Variants in FSTL4 observed in about 807,000 individuals in gnomAD.
The protein encoded by FSTL4 is follistatin-related protein 4.
A neutral mutation model predicts 78.2 loss-of-function variants in FSTL4; 28 were observed. That is an observed-to-expected ratio of 0.36 (90% CI 0.27 to 0.49). The LOEUF is 0.49. Among genes scored for constraint, FSTL4 ranks in the 20% least tolerant of loss-of-function variants. FSTL4 has a pLI of 0.98. For missense variants in FSTL4, 922 were observed against 1,084.9 expected, an observed-to-expected ratio of 0.85 and a Z score of 2.11; for synonymous variants, 422 against 440.5, an observed-to-expected ratio of 0.96 and a Z score of 0.53.
intron 3 of FSTL4, among the ~76,000 whole-genome samples, chr5:133,487,893 A>G (rs1267084276): frequency 6.6e-6 from 1 of 152,170 alleles, no homozygotes; most frequent in Non-Finnish European, 1.5e-5. Flanking sequence ...TGCTGAGGAC[A>G]CTTGGGCAAA....
chr5:133,284,234 C>T (rs867326558), intron 6 of FSTL4, among the ~76,000 whole-genome samples: 7 of 152,202 alleles, frequency 4.6e-5, no homozygotes, highest in African/African-American at 1.7e-4. Context: ...CTCAGAGAGA[C>T]CATCTGCAAA....
At chr5:133,482,219 T>A (rs1476205832) in intron 3 of FSTL4, among the ~76,000 whole-genome samples, 1 of 152,234 alleles carries the variant, frequency 6.6e-6, no homozygotes, top group African/African-American at 2.4e-5. Flanking sequence ...GAAGCCAGAC[T>A]GCAATGCCAA....
chr5:133,309,530 G>C (rs573515452), intron 6 of FSTL4, among the ~76,000 whole-genome samples: 2 of 152,252 alleles, frequency 1.3e-5, no homozygotes, highest in South Asian at 4.2e-4. Context: ...GCCAGGAAGG[G>C]GGTACAGCCC....
At chr5:133,742,525 A>G in the FSTL4 span, among the ~76,000 whole-genome samples, 4 of 152,232 alleles carry the variant, frequency 2.6e-5, no homozygotes, top group Non-Finnish European at 5.9e-5. Context: ...GTCACTGGGC[A>G]TCCTTTCAGC....
chr5:133,555,371 A>C (rs1759766230), intron 3 of FSTL4, among the ~76,000 whole-genome samples: 1 of 152,212 alleles, frequency 6.6e-6, no homozygotes, highest in Admixed American at 6.5e-5. Context: ...GTAATACAGA[A>C]CTGGACGCTA....
chr5:133,356,789 C>G (rs1346082547), intron 4 of FSTL4, among the ~76,000 whole-genome samples: 1 of 152,250 alleles, frequency 6.6e-6, no homozygotes, highest in African/African-American at 2.4e-5. Context: ...CCCACGCAGT[C>G]TTTTTGGCAG....
chr5:133,562,664 C>A (rs943622086), intron 3 of FSTL4, among the ~76,000 whole-genome samples: 13 of 152,316 alleles, frequency 8.5e-5, no homozygotes, highest in African/African-American at 3.1e-4. Context: ...GGAGCCAGCG[C>A]TGGGAGGTGG....
intron 3 of FSTL4, among the ~76,000 whole-genome samples, chr5:133,467,463 T>C (rs1757741012): frequency 6.6e-6 from 1 of 152,076 alleles, no homozygotes; most frequent in South Asian, 2.1e-4. Flanking sequence ...CACAAAGCCA[T>C]TAAGAAGTGG....
intron 6 of FSTL4, among the ~76,000 whole-genome samples, chr5:133,261,994 C>CA (rs35169871): frequency 0.053 from 5,858 of 110,702 alleles, 141 homozygotes; most frequent in East Asian, 0.085. Context: ...GACCTAGTCT[C>CA]AAAAAAAAAA....
At chr5:133,722,895 A>G in the FSTL4 span, among the ~76,000 whole-genome samples, 3 of 152,182 alleles carry the variant, frequency 2.0e-5, no homozygotes, top group African/African-American at 4.8e-5. Context: ...AAGTGCCTCA[A>G]TGGTCTGGGC....
At chr5:133,448,742 G>A (rs867549743) in intron 3 of FSTL4, among the ~76,000 whole-genome samples, 1 of 146,750 alleles carries the variant, frequency 6.8e-6, no homozygotes, top group East Asian at 2.0e-4. Flanking sequence ...GCGGGGGCGG[G>A]GGGGGGGGGC....
chr5:133,677,867 A>T, the FSTL4 span, among the ~76,000 whole-genome samples: 31 of 152,260 alleles, frequency 2.0e-4, no homozygotes, highest in African/African-American at 6.3e-4. Context: ...GGTGCTGAGA[A>T]GAATGCAATA....
chr5:133,766,889 C>T, the FSTL4 span, among the ~76,000 whole-genome samples: 1 of 152,174 alleles, frequency 6.6e-6, no homozygotes, highest in South Asian at 2.1e-4. Context: ...CCACATGAGG[C>T]CACCTTTCAG....
At chr5:133,548,163 G>T (rs941928618) in intron 3 of FSTL4, among the ~76,000 whole-genome samples, 1 of 152,110 alleles carries the variant, frequency 6.6e-6, no homozygotes, top group African/African-American at 2.4e-5. Context: ...CAAAAATATA[G>T]AACTTTTCTG....
intron 4 of FSTL4, among the ~76,000 whole-genome samples, chr5:133,356,001 G>T (rs1754935067): frequency 6.6e-6 from 1 of 152,100 alleles, no homozygotes; most frequent in Non-Finnish European, 1.5e-5. Context: ...AGAGGCTCAA[G>T]GCCTCTTACA....
At chr5:133,647,898 C>T in the FSTL4 span, among the ~76,000 whole-genome samples, 1 of 152,050 alleles carries the variant, frequency 6.6e-6, no homozygotes, top group African/African-American at 2.4e-5. Flanking sequence ...TGGGAGGGAC[C>T]CAGTGGGAGG....
the FSTL4 span, among the ~76,000 whole-genome samples, chr5:133,733,023 C>T: frequency 2.0e-5 from 3 of 152,222 alleles, no homozygotes; most frequent in African/African-American, 7.2e-5. Context: ...TTCTGACCCC[C>T]ACCTAGCATA....
At chr5:133,567,248 C>T (rs771062945) in intron 2 of FSTL4, 29 bp from the exon 3 acceptor site, 1 of 1,561,496 alleles carries the variant, frequency 6.4e-7, no homozygotes, top group Non-Finnish European at 8.8e-7. Context: ...TTTGTGTTTT[C>T]TGAAGAATAA....
chr5:133,296,985 G>T (rs576558780), intron 6 of FSTL4, among the ~76,000 whole-genome samples: 89 of 152,242 alleles, frequency 5.8e-4, no homozygotes, highest in Admixed American at 1.3e-3. Flanking sequence ...GTTCTGAGGG[G>T]GCACCTCTAA....
Sources: gnomAD v4.1 joint callset for allele counts (sites outside exome capture counted in the v4.1 genomes callset) on GRCh38, gnomAD v4.1.1 for gene constraint, MANE v1.5 for transcripts, NCBI Gene and HGNC (gene_info 2026-07-23, HGNC 2026-07-21) for gene names.